Variants in DIAPH2 observed in about 807,000 individuals in gnomAD.
DIAPH2 encodes protein diaphanous homolog 2.
In DIAPH2, 35 loss-of-function variants were observed where a neutral mutation model predicts 92.7. The ratio of observed to expected loss-of-function variants is 0.38; its 90% CI spans 0.29 to 0.50. DIAPH2 has a LOEUF of 0.50. DIAPH2 is among the 20% of genes least tolerant of loss of function. DIAPH2 has a pLI of 0.94. For missense variants in DIAPH2, 701 were observed against 819.5 expected (o/e 0.86, Z 1.77); for synonymous variants, 301 against 280.4 (o/e 1.07, Z -0.73).
At chrX:97,440,860 G>C (rs1219108949) in intron 26 of DIAPH2, among the ~76,000 whole-genome samples, 1 of 110,689 alleles carries the variant, frequency 9.0e-6, no homozygotes, top group Non-Finnish European at 1.9e-5. Context: ...GGTGAGAGAT[G>C]AGAAATTACT....
At chrX:97,392,830 G>A (rs1206105918) in intron 25 of DIAPH2, among the ~76,000 whole-genome samples, 3 of 111,591 alleles carry the variant, frequency 2.7e-5, no homozygotes, top group African/African-American at 6.5e-5. Flanking sequence ...ACCAGAGACT[G>A]GTGTTATTTA....
rs1569426183 is a variant in DIAPH2 at position 97,570,109 on chromosome X, TATATATATATATATTAGA to T, written c.3242-29142_3242-29125del. On this transcript the variant is annotated intron_variant, in intron 26 of 26. Coordinates refer to ENST00000324765, the MANE Select transcript of DIAPH2 (RefSeq NM_006729.5). ...ATATATATATATATATATATATATA[TATATATATATATATTAGA>T]AGATAGATAGATAGATAGATAGATA... 3.4e-3 allele frequency among the ~76,000 whole-genome samples: 112 copies of T among 32,617 alleles called. 2 individuals are homozygous for T. Among genetic ancestry groups the T allele is most frequent in the African/African-American group, 9.6e-3 (104 of 10,802 alleles). The allele number at this position is 32,617 out of a possible 115,157, so 28.3% of individuals were successfully genotyped here.
chrX:97,108,531 T>A (rs1362605530), intron 20 of DIAPH2, among the ~76,000 whole-genome samples: 1 of 111,831 alleles, frequency 8.9e-6, no homozygotes, highest in Non-Finnish European at 1.9e-5. Context: ...TCTAGGACAT[T>A]TCCTTCCATA....
chrX:96,835,910 C>T (rs1472883966), intron 4 of DIAPH2, among the ~76,000 whole-genome samples: 2 of 110,106 alleles, frequency 1.8e-5, no homozygotes, highest in African/African-American at 6.6e-5. Context: ...ACTTCCCGGA[C>T]TCAGGTGATT....
intron 3 of DIAPH2, among the ~76,000 whole-genome samples, chrX:96,742,233 C>T (rs2064124246): frequency 9.0e-6 from 1 of 111,560 alleles, no homozygotes; most frequent in African/African-American, 3.3e-5. Context: ...ATCTCATTAG[C>T]TTTTCCTTCA....
intron 26 of DIAPH2, among the ~76,000 whole-genome samples, chrX:97,580,748 C>G (rs1425663187): frequency 9.1e-6 from 1 of 110,275 alleles, no homozygotes; most frequent in African/African-American, 3.3e-5. Flanking sequence ...GGAATGGTAC[C>G]AGTTCCTCCT....
At chrX:96,999,661 A>G (rs920204451) in intron 17 of DIAPH2, among the ~76,000 whole-genome samples, 1 of 110,942 alleles carries the variant, frequency 9.0e-6, no homozygotes, top group African/African-American at 3.3e-5. Flanking sequence ...AAATGTACAA[A>G]ATGTTGGTAC....
chrX:96,840,082 C>T (rs190779690), intron 4 of DIAPH2, among the ~76,000 whole-genome samples: 1 of 111,994 alleles, frequency 8.9e-6, no homozygotes, highest in Non-Finnish European at 1.9e-5. Context: ...AATGTGTGAT[C>T]AATATAAAAT....
intron 17 of DIAPH2, among the ~76,000 whole-genome samples, chrX:97,050,223 G>C (rs1462237293): frequency 1.8e-5 from 2 of 110,630 alleles, no homozygotes; most frequent in Non-Finnish European, 3.8e-5. Flanking sequence ...TAGAATTGAT[G>C]GTATACCTTT....
intron 19 of DIAPH2, among the ~76,000 whole-genome samples, chrX:97,086,854 T>A (rs1243362305): frequency 2.7e-5 from 3 of 111,611 alleles, no homozygotes; most frequent in Non-Finnish European, 5.6e-5. Flanking sequence ...TTGATTTTTT[T>A]AAAGCCCATT....
intron 5 of DIAPH2, among the ~76,000 whole-genome samples, chrX:96,892,821 T>C (rs1242447590): frequency 9.0e-6 from 1 of 111,660 alleles, no homozygotes; most frequent in Non-Finnish European, 1.9e-5. Flanking sequence ...GTTTAAATGA[T>C]GTGTTTTAAA....
intron 4 of DIAPH2, among the ~76,000 whole-genome samples, chrX:96,856,751 T>C (rs2065042523): frequency 9.1e-6 from 1 of 110,399 alleles, no homozygotes; most frequent in Non-Finnish European, 1.9e-5. Flanking sequence ...AAAAATGTGG[T>C]CTTGGCCGGG....
chrX:97,453,104 A>G (rs1446553008), intron 26 of DIAPH2, among the ~76,000 whole-genome samples: 1 of 111,409 alleles, frequency 9.0e-6, no homozygotes, highest in Non-Finnish European at 1.9e-5. Context: ...TTGTATTTCT[A>G]TGCATATTTT....
intron 22 of DIAPH2, among the ~76,000 whole-genome samples, chrX:97,197,036 T>C (rs2067710700): frequency 1.8e-5 from 2 of 111,511 alleles, no homozygotes; most frequent in Non-Finnish European, 3.8e-5. Flanking sequence ...TCCACCCGCC[T>C]CAGCCTCCCA....
chrX:96,693,842 C>G (rs2063810586), intron 1 of DIAPH2, among the ~76,000 whole-genome samples: 1 of 112,179 alleles, frequency 8.9e-6, no homozygotes, highest in South Asian at 3.7e-4. Flanking sequence ...TGAGACCAGC[C>G]TGGCCAACAT....
intron 22 of DIAPH2, among the ~76,000 whole-genome samples, chrX:97,208,241 G>C (rs1306028301): frequency 8.9e-6 from 1 of 111,936 alleles, no homozygotes; most frequent in African/African-American, 3.2e-5. Flanking sequence ...AATTCACTGT[G>C]TGTCCAATAC....
At chrX:96,797,246 C>T (rs1041216217) in intron 4 of DIAPH2, among the ~76,000 whole-genome samples, 4 of 110,292 alleles carry the variant, frequency 3.6e-5, no homozygotes, top group African/African-American at 9.9e-5. Context: ...TTTGGGAGGC[C>T]GAGGCAGGTG....
intron 4 of DIAPH2, among the ~76,000 whole-genome samples, chrX:96,816,642 A>G (rs1012852978): frequency 8.9e-6 from 1 of 112,297 alleles, no homozygotes; most frequent in Non-Finnish European, 1.9e-5. Context: ...AAATCAATAC[A>G]ACCACTATGG....
intron 4 of DIAPH2, among the ~76,000 whole-genome samples, chrX:96,783,225 C>G (rs1399217261): frequency 9.0e-6 from 1 of 111,591 alleles, no homozygotes; most frequent in Non-Finnish European, 1.9e-5. Context: ...AAAGGGAGAA[C>G]ATGAGGGCCA....
Sources: allele counts gnomAD v4.1 joint callset (sites outside exome capture counted in the v4.1 genomes callset), GRCh38; gene constraint gnomAD v4.1.1; transcripts MANE v1.5; gene names NCBI Gene and HGNC (gene_info 2026-07-23, HGNC 2026-07-21).